The following GP6 variants were observed in gnomAD, a reference collection of about 807,000 sequenced individuals.
GP6 encodes the protein glycoprotein VI platelet.
In GP6, 45 loss-of-function variants were observed where a neutral mutation model predicts 37.3. The observed-to-expected ratio is 1.21, with a 90% confidence interval of 0.95 to 1.55. The LOEUF (loss-of-function observed/expected upper bound fraction) is 1.55. GP6 is among the 40% of genes most tolerant of loss of function. GP6 has a pLI of 0.00. For synonymous variants in GP6, 340 were observed against 316.4 expected (o/e 1.07, Z -0.79); for missense variants, 813 against 760.2 (o/e 1.07, Z -0.82).
chr19:55,034,111 T>C (rs2074721587), intron 1 of GP6, among the ~76,000 whole-genome samples: 1 of 143,774 alleles, frequency 7.0e-6, no homozygotes, highest in South Asian at 2.2e-4. Flanking sequence ...CGTGTGTACA[T>C]ACACACGTGT....
intron 5 of GP6, among the ~76,000 whole-genome samples, chr19:55,020,111 A>G (rs1008933463): frequency 6.6e-6 from 1 of 151,726 alleles, no homozygotes; most frequent in African/African-American, 2.4e-5. Context: ...AGCTTGGAAA[A>G]AACTAGTTTA....
At chr19:55,027,514 C>T (rs1280575111) in intron 4 of GP6, 64 bp downstream of exon 4, 48 of 1,355,594 alleles carry the variant, frequency 3.5e-5, no homozygotes, top group South Asian at 1.2e-5. Flanking sequence ...TGGCCCCTCC[C>T]TTGGAATGGC....
chr19:55,030,068 C>T (rs997740366), intron 3 of GP6, among the ~76,000 whole-genome samples: 2 of 152,236 alleles, frequency 1.3e-5, no homozygotes, highest in Middle Eastern at 3.4e-3. Flanking sequence ...AAGAGTAGGT[C>T]GTTAAAACTC....
At chr19:55,016,692 C>G (rs571853694) in intron 6 of GP6, among the ~76,000 whole-genome samples, 2 of 151,842 alleles carry the variant, frequency 1.3e-5, no homozygotes, top group Non-Finnish European at 2.9e-5. Context: ...TCTTATTCCT[C>G]AAGTATCTCC....
At chr19:55,024,309 T>TGCACGCACACGCACATCCACGCACAC in intron 5 of GP6, among the ~76,000 whole-genome samples, 1 of 129,950 alleles carries the variant, frequency 7.7e-6, no homozygotes, top group South Asian at 2.4e-4. Flanking sequence ...TGCACACACA[T>TGCACGCACACGCACATCCACGCACAC]ATGCACGCAC....
chr19:55,024,160 AAG>A (rs1260484786), intron 5 of GP6, among the ~76,000 whole-genome samples: 1 of 152,210 alleles, frequency 6.6e-6, no homozygotes, highest in East Asian at 1.9e-4. Flanking sequence ...AAACTGGAAA[AAG>A]AGCACATGGG....
At chr19:55,025,556 A>G (rs929870343) in intron 4 of GP6, among the ~76,000 whole-genome samples, 1 of 151,942 alleles carries the variant, frequency 6.6e-6, no homozygotes, top group Non-Finnish European at 1.5e-5. Flanking sequence ...AAATACAAAA[A>G]TTAGCCAGGC....
At chr19:55,028,577 G>A (rs1373742859) in intron 3 of GP6, among the ~76,000 whole-genome samples, 1 of 152,150 alleles carries the variant, frequency 6.6e-6, no homozygotes, top group African/African-American at 2.4e-5. Flanking sequence ...TCTCACAGTG[G>A]ATTCGTATAT....
intron 3 of GP6, among the ~76,000 whole-genome samples, 175 bp from the exon 4 acceptor site, chr19:55,028,037 G>A (rs1269384830): frequency 6.6e-6 from 1 of 152,204 alleles, no homozygotes; most frequent in East Asian, 1.9e-4. Context: ...GTTGAGGAAG[G>A]AGGCTGTGCT....
intron 3 of GP6, among the ~76,000 whole-genome samples, chr19:55,030,614 A>G (rs58600749): frequency 6.6e-6 from 1 of 152,124 alleles, no homozygotes; most frequent in African/African-American, 2.4e-5. Context: ...AAGTACTGGG[A>G]TTACAGGCGT....
In GP6 at chr19:55,032,818, C is replaced by T. The variant is rs2074617245; in HGVS notation, c.35-280G>A. On this transcript the variant is annotated intron_variant, in intron 1 of 7. Transcript: ENST00000310373. Reference sequence around the variant, plus strand: ...GGGGTGGTGGGAGAGGAGGGCAAGGCATGGTGGCGTACTGCTCTCTGTGGA... The same window carrying T: ...GGGGTGGTGGGAGAGGAGGGCAAGGTATGGTGGCGTACTGCTCTCTGTGGA... The T allele has an allele frequency of 2.0e-5, 12 of 593,048 alleles. 1 individual carries two copies. Among genetic ancestry groups the T allele is most frequent in the Admixed American group, 5.6e-5 (2 of 36,002 alleles). 36.7% of individuals were successfully genotyped at this position (593,048 alleles called of 1,614,324 possible). A position where few individuals can be genotyped will look rare whatever the true frequency, so the allele number is the denominator to read the frequency against.
At chr19:55,029,296 C>A (rs73614086) in intron 3 of GP6, among the ~76,000 whole-genome samples, 25,920 of 97,152 alleles carry the variant, frequency 0.27, 3,074 homozygotes, top group East Asian at 0.51. Context: ...GCTCTGTCAC[C>A]CAGGCTGGAG....
intron 5 of GP6, among the ~76,000 whole-genome samples, chr19:55,023,379 C>T (rs1382781113): frequency 6.6e-6 from 1 of 152,166 alleles, no homozygotes; most frequent in African/African-American, 2.4e-5. Flanking sequence ...TTATGATCCC[C>T]AATGTTGGAG....
intron 5 of GP6, among the ~76,000 whole-genome samples, chr19:55,024,265 T>TACGCACGCATGCACACACAC (rs2074188876): frequency 7.0e-5 from 2 of 28,378 alleles, no homozygotes; most frequent in Admixed American, 1.2e-3. Flanking sequence ...CACGCACACA[T>TACGCACGCATGCACACACAC]ATGCACGCAT....
At chr19:55,035,788 C>A (rs749211111) in intron 1 of GP6, among the ~76,000 whole-genome samples, 1 of 151,982 alleles carries the variant, frequency 6.6e-6, no homozygotes, top group African/African-American at 2.4e-5. Flanking sequence ...GAAATAATGT[C>A]TTTTGGCCAG....
At chr19:55,024,309 T>TGCACGCACACGCACATGCACACGCAC (rs1357661954) in intron 5 of GP6, among the ~76,000 whole-genome samples, 1 of 129,950 alleles carries the variant, frequency 7.7e-6, no homozygotes, top group Admixed American at 7.7e-5. Flanking sequence ...TGCACACACA[T>TGCACGCACACGCACATGCACACGCAC]ATGCACGCAC....
At chr19:55,017,606 T>C (rs2073924605) in intron 6 of GP6, among the ~76,000 whole-genome samples, 1 of 152,046 alleles carries the variant, frequency 6.6e-6, no homozygotes, top group Non-Finnish European at 1.5e-5. Flanking sequence ...AGTGACTGTG[T>C]GTGGCTGAGA....
In GP6 at chr19:55,038,018, C is replaced by G. The variant is rs17836542; in HGVS notation, c.34+185G>C. Among the ~76,000 whole-genome samples the G allele has an allele frequency of 0.073, 11,128 of 152,214 alleles. 543 individuals carry two copies. The highest frequency in any genetic ancestry group is 0.2 in the East Asian group (1,035 of 5,152). Reference sequence around the variant, plus strand: ...ATTTCCTGACCCAGCCATGAATACACTGGAATAACTCATGCAAAATGCCAG... The same window carrying G: ...ATTTCCTGACCCAGCCATGAATACAGTGGAATAACTCATGCAAAATGCCAG... On this transcript the variant is annotated intron_variant, in intron 1 of 7. Coordinates refer to ENST00000310373, the MANE Select transcript of GP6 (RefSeq NM_001083899.2).
intron 3 of GP6, among the ~76,000 whole-genome samples, chr19:55,030,350 T>TTCTC (rs200131830): frequency 1.8e-5 from 2 of 111,124 alleles, no homozygotes; most frequent in African/African-American, 6.7e-5. Flanking sequence ...ACCTCTTCTC[T>TTCTC]TTTTTTTTTT....
Sources: allele counts gnomAD v4.1 joint callset (sites outside exome capture counted in the v4.1 genomes callset), GRCh38; gene constraint gnomAD v4.1.1; transcripts MANE v1.5; gene names NCBI Gene and HGNC (gene_info 2026-07-23, HGNC 2026-07-21).